The following NTNG1 variants were observed in gnomAD, a reference collection of about 807,000 sequenced individuals.
The protein encoded by NTNG1 is netrin-G1.
A neutral mutation model predicts 54.0 loss-of-function variants in NTNG1; 16 were observed. The observed-to-expected ratio is 0.30, with a 90% CI of 0.20 to 0.45. NTNG1 has a LOEUF of 0.45. Ranked by LOEUF, NTNG1 falls within the 20% of genes least tolerant of loss-of-function variation. The pLI is 1.00. For missense variants in NTNG1, 530 were observed against 678.7 expected (o/e 0.78, Z 2.43); for synonymous variants, 255 against 263.1 (o/e 0.97, Z 0.30).
At chr1:107,420,306 G>A (rs1206252351) in intron 5 of NTNG1, among the ~76,000 whole-genome samples, 1 of 152,072 alleles carries the variant, frequency 6.6e-6, no homozygotes, top group African/African-American at 2.4e-5. Flanking sequence ...AAGCAGCACA[G>A]TTGAGCAAAG....
intron 2 of NTNG1, among the ~76,000 whole-genome samples, chr1:107,270,855 A>C (rs1664099209): frequency 6.6e-6 from 1 of 151,980 alleles, no homozygotes; most frequent in African/African-American, 2.4e-5. Context: ...GCATAATATA[A>C]TATTTATTTT....
chr1:107,201,731 C>T (rs1278936402), intron 2 of NTNG1, among the ~76,000 whole-genome samples: 1 of 151,886 alleles, frequency 6.6e-6, no homozygotes, highest in Non-Finnish European at 1.5e-5. Flanking sequence ...ATTCAGCAGA[C>T]AGATAACATG....
intron 2 of NTNG1, among the ~76,000 whole-genome samples, chr1:107,172,629 G>A (rs538026527): frequency 1.9e-3 from 296 of 152,178 alleles, no homozygotes; most frequent in Non-Finnish European, 3.3e-3. Flanking sequence ...CCAGTGGTTT[G>A]GTTAAGACAT....
intron 7 of NTNG1, among the ~76,000 whole-genome samples, chr1:107,469,171 T>C (rs1391654827): frequency 2.6e-5 from 4 of 151,828 alleles, no homozygotes; most frequent in Non-Finnish European, 4.4e-5. Flanking sequence ...TTGCTGCTTC[T>C]CCTCTCTTCC....
chr1:107,292,697 C>T (rs182178763), intron 2 of NTNG1, among the ~76,000 whole-genome samples: 4 of 152,110 alleles, frequency 2.6e-5, no homozygotes, highest in African/African-American at 7.2e-5. Context: ...GGGAAGAATG[C>T]CTCTGTAAAC....
At chr1:107,428,824 A>G (rs941454974) in intron 5 of NTNG1, among the ~76,000 whole-genome samples, 2 of 152,184 alleles carry the variant, frequency 1.3e-5, no homozygotes, top group African/African-American at 4.8e-5. Context: ...TCTGAGCGGT[A>G]CAGAGGATTG....
intron 3 of NTNG1, among the ~76,000 whole-genome samples, chr1:107,346,116 A>G (rs1214252858): frequency 6.6e-6 from 1 of 152,178 alleles, no homozygotes; most frequent in East Asian, 1.9e-4. Flanking sequence ...TGCAATTTCT[A>G]TAGATTTCAA....
chr1:107,265,401 A>G (rs1193618981), intron 2 of NTNG1, among the ~76,000 whole-genome samples: 1 of 152,222 alleles, frequency 6.6e-6, no homozygotes, highest in Non-Finnish European at 1.5e-5. Context: ...GAGTTTGACA[A>G]TGAATTAAAA....
At chr1:107,215,928 C>A (rs527461699) in intron 2 of NTNG1, among the ~76,000 whole-genome samples, 1 of 151,600 alleles carries the variant, frequency 6.6e-6, no homozygotes, top group Non-Finnish European at 1.5e-5. Flanking sequence ...GGATTGAGTT[C>A]TTGATTTGAT....
intron 5 of NTNG1, among the ~76,000 whole-genome samples, chr1:107,427,759 G>T (rs1674998412): frequency 6.6e-6 from 1 of 151,936 alleles, no homozygotes; most frequent in Non-Finnish European, 1.5e-5. Flanking sequence ...AAAGTATCCA[G>T]TTATCATTTG....
intron 4 of NTNG1, among the ~76,000 whole-genome samples, chr1:107,402,962 G>A (rs188099902): frequency 5.9e-5 from 9 of 152,132 alleles, no homozygotes; most frequent in Non-Finnish European, 1.0e-4. Flanking sequence ...ATGAAAAGCC[G>A]CTGAATCTTC....
At chr1:107,250,424 T>A (rs752082148) in intron 2 of NTNG1, among the ~76,000 whole-genome samples, 3 of 152,082 alleles carry the variant, frequency 2.0e-5, no homozygotes, top group Non-Finnish European at 2.9e-5. Context: ...TCAGGAATGC[T>A]CTCAAGAAAG....
intron 3 of NTNG1, among the ~76,000 whole-genome samples, chr1:107,343,197 A>C (rs1470183251): frequency 6.6e-6 from 1 of 152,180 alleles, no homozygotes; most frequent in Non-Finnish European, 1.5e-5. Context: ...CAGAGCCTTC[A>C]TAATTTCCAA....
chr1:107,458,400 C>T (rs1001395941), intron 7 of NTNG1, among the ~76,000 whole-genome samples: 2 of 152,070 alleles, frequency 1.3e-5, no homozygotes, highest in Admixed American at 1.3e-4. Flanking sequence ...CACTTTTCAC[C>T]ATAAATAAAC....
intron 2 of NTNG1, among the ~76,000 whole-genome samples, chr1:107,268,995 A>C (rs541710971): frequency 5.3e-5 from 8 of 152,308 alleles, no homozygotes; most frequent in African/African-American, 1.9e-4. Context: ...TACTCCCTGT[A>C]ATCTTTTATC....
At chr1:107,460,135 C>CATG in intron 7 of NTNG1, among the ~76,000 whole-genome samples, 1 of 152,216 alleles carries the variant, frequency 6.6e-6, no homozygotes, top group African/African-American at 2.4e-5. Flanking sequence ...AAGCTAAGGC[C>CATG]CGTTTCCTCA....
intron 5 of NTNG1, chr1:107,408,365 A>C (rs926335723): frequency 1.3e-5 from 2 of 154,220 alleles, no homozygotes; most frequent in Non-Finnish European, 2.9e-5. Flanking sequence ...AGTATAAAAA[A>C]TATGTGCAGA....
intron 2 of NTNG1, among the ~76,000 whole-genome samples, chr1:107,281,608 T>C (rs1481346447): frequency 6.6e-6 from 1 of 152,120 alleles, no homozygotes; most frequent in Non-Finnish European, 1.5e-5. Context: ...CAATTAGATA[T>C]TAGGCTTAAC....
chr1:107,439,310 A>ATGTG (rs1675810223), intron 7 of NTNG1, among the ~76,000 whole-genome samples: 1 of 89,318 alleles, frequency 1.1e-5, no homozygotes. Flanking sequence ...GTGTGTGAGC[A>ATGTG]TGCACATGTG....
Sources: allele counts gnomAD v4.1 joint callset (sites outside exome capture counted in the v4.1 genomes callset), GRCh38; gene constraint gnomAD v4.1.1; transcripts MANE v1.5; gene names NCBI Gene and HGNC (gene_info 2026-07-23, HGNC 2026-07-21).